CLEC17A: variants seen among roughly 807,000 people sequenced by gnomAD.
CLEC17A encodes C-type lectin domain family 17, member A.
A neutral mutation model predicts 61.3 loss-of-function variants in CLEC17A; 37 were observed. The ratio of observed to expected loss-of-function variants is 0.60; its 90% CI spans 0.46 to 0.79. The LOEUF (loss-of-function observed/expected upper bound fraction) is 0.79. Ranked by LOEUF, CLEC17A falls within the 30% of genes least tolerant of loss-of-function variation. The pLI, the probability that CLEC17A is intolerant of heterozygous loss-of-function variation, is 0.00. For missense variants in CLEC17A, 418 were observed against 464.7 expected (o/e 0.90, Z 0.92); for synonymous variants, 168 against 164.9 (o/e 1.02, Z -0.14).
intron 2 of CLEC17A, among the ~76,000 whole-genome samples, chr19:14,584,956 A>C (rs1276260438): frequency 3.3e-5 from 5 of 151,378 alleles, no homozygotes; most frequent in African/African-American, 1.2e-4. Context: ...TCCCCAACCC[A>C]TTTTCCATCC....
chr19:14,597,813 A>G (rs141767025), intron 10 of CLEC17A, among the ~76,000 whole-genome samples: 1 of 152,084 alleles, frequency 6.6e-6, no homozygotes, highest in African/African-American at 2.4e-5. Context: ...TATGTTGACT[A>G]AGCTCGTTTC....
chr19:14,596,824 T>G, intron 8 of CLEC17A, 52 bp from the exon 9 acceptor site: 1 of 1,587,348 alleles, frequency 6.3e-7, no homozygotes, highest in Non-Finnish European at 8.6e-7. Flanking sequence ...GTCTCTTCCT[T>G]ACTCTCTGAA....
chr19:14,581,814 G>T (rs560084660), upstream of CLEC17A, among the ~76,000 whole-genome samples: 2 of 150,560 alleles, frequency 1.3e-5, no homozygotes, highest in Admixed American at 1.3e-4. Flanking sequence ...CACCATATCT[G>T]GCTAATTTTG....
intron 2 of CLEC17A, among the ~76,000 whole-genome samples, 175 bp downstream of exon 2, chr19:14,583,609 T>A (rs373195282): frequency 0.065 from 9,817 of 151,154 alleles, 1,083 homozygotes; most frequent in African/African-American, 0.23. Context: ...CGGAGGTGGG[T>A]TTGGGCACAG....
chr19:14,594,930 G>A, intron 7 of CLEC17A, 130 bp downstream of exon 7: 3 of 921,540 alleles, frequency 3.3e-6, no homozygotes, highest in Non-Finnish European at 5.0e-6. Flanking sequence ...GGAGTGCAGT[G>A]GTGCGATACT....
chr19:14,606,010 A>G (rs763738200), intron 12 of CLEC17A, among the ~76,000 whole-genome samples: 2 of 152,142 alleles, frequency 1.3e-5, no homozygotes, highest in Non-Finnish European at 2.9e-5. Flanking sequence ...TGGTGGGATT[A>G]CAGATATGAG....
chr19:14,596,327 C>T (rs2074551947), intron 8 of CLEC17A, among the ~76,000 whole-genome samples: 1 of 151,978 alleles, frequency 6.6e-6, no homozygotes. Flanking sequence ...GATGAGACTC[C>T]AATAAGATAG....
Position 14,583,415 on chromosome 19 carries a change from G to A in CLEC17A, c.102G>A (p.Lys34=). The A allele has an allele frequency of 6.2e-7, 1 of 1,612,482 alleles. No homozygotes were observed. Among genetic ancestry groups the A allele is most frequent in the Non-Finnish European group, 8.5e-7 (1 of 1,179,234 alleles). ...ATGAGAACTCAACACCTCCCTACAAGGACCTTCCTCCCAAGCCAGGTAAGA... is the reference window on the plus strand; with the variant it reads ...ATGAGAACTCAACACCTCCCTACAAAGACCTTCCTCCCAAGCCAGGTAAGA... ...DDYENSTPPY[K]DLPPKPGTME... Residue 34 remains lysine (K), a synonymous_variant, in exon 2 of 14, where the codon AAG becomes AAA. Coordinates refer to ENST00000417570, the MANE Select transcript of CLEC17A (RefSeq NM_001204118.2).
intron 10 of CLEC17A, among the ~76,000 whole-genome samples, chr19:14,599,079 CTTTTTTT>C (rs796835309): frequency 1.4e-4 from 8 of 56,944 alleles, no homozygotes; most frequent in South Asian, 7.0e-4. Flanking sequence ...TGTATCTTTG[CTTTTTTT>C]TTTTTTTTTT....
At chr19:14,594,897 A>G in intron 7 of CLEC17A, 97 bp downstream of exon 7, 1 of 1,200,482 alleles carries the variant, frequency 8.3e-7, no homozygotes, top group Non-Finnish European at 1.2e-6. Flanking sequence ...TTTTTGAGAC[A>G]GAGTCTCACT....
intron 2 of CLEC17A, among the ~76,000 whole-genome samples, chr19:14,586,148 G>C (rs1439765484): frequency 4.8e-5 from 7 of 144,856 alleles, no homozygotes; most frequent in African/African-American, 1.8e-4. Flanking sequence ...TTCTTGAGAC[G>C]GAGTTTCACT....
At chr19:14,609,942 C>A in intron 13 of CLEC17A, 122 bp from the exon 14 acceptor site, 1 of 697,260 alleles carries the variant, frequency 1.4e-6, no homozygotes, top group Non-Finnish European at 2.5e-6. Context: ...AGGCTCCACA[C>A]ACGGCCTAAT....
chr19:14,605,716 CTTTCT>C (rs1050698164), intron 12 of CLEC17A, among the ~76,000 whole-genome samples: 5 of 151,974 alleles, frequency 3.3e-5, no homozygotes, highest in Admixed American at 2.0e-4. Flanking sequence ...GTCATAAGTC[CTTTCT>C]TTTCTTCCAA....
At chr19:14,585,819 AC>A (rs2074267866) in intron 2 of CLEC17A, among the ~76,000 whole-genome samples, 1 of 147,608 alleles carries the variant, frequency 6.8e-6, no homozygotes, top group Admixed American at 6.9e-5. Context: ...AGATTCCTGA[AC>A]CACAGAAACT....
At chr19:14,592,000 G>A (rs2074431642) in intron 3 of CLEC17A, among the ~76,000 whole-genome samples, 1 of 151,796 alleles carries the variant, frequency 6.6e-6, no homozygotes, top group Admixed American at 6.6e-5. Context: ...GAAAGGAAAG[G>A]GAAACAGACA....
intron 11 of CLEC17A, 62 bp from the exon 12 acceptor site, chr19:14,599,969 G>T: frequency 1.3e-6 from 2 of 1,591,984 alleles, no homozygotes; most frequent in Non-Finnish European, 1.7e-6. Flanking sequence ...ACTGTACATG[G>T]CATACTATGT....
chr19:14,611,955 G>C lies in CLEC17A; in HGVS notation c.*1759G>C, dbSNP rs970672356. Among the ~76,000 whole-genome samples the C allele has an allele frequency of 2.0e-5, 3 of 152,206 alleles. No individual in the cohort carries two copies. The highest frequency in any genetic ancestry group is 7.2e-5 in the African/African-American group (3 of 41,458). On this transcript the variant is annotated 3_prime_UTR_variant, in exon 14 of 14. Coordinates refer to ENST00000417570, the MANE Select transcript of CLEC17A (RefSeq NM_001204118.2). ...GGAGGCGGAGGTTGCAGTGAGCCGA[G>C]ATTGTGCCACTGCACTCCAGCCTGG... is the stretch of plus-strand genomic sequence containing the variant.
At chr19:14,591,304 G>A (rs188935610) in intron 3 of CLEC17A, among the ~76,000 whole-genome samples, 2,183 of 150,598 alleles carry the variant, frequency 0.014, 23 homozygotes, top group Middle Eastern at 0.039. Context: ...ACAGGCGCCC[G>A]CCACCACGCC....
intron 8 of CLEC17A, 72 bp from the exon 9 acceptor site, chr19:14,596,804 A>C: frequency 6.5e-7 from 1 of 1,530,202 alleles, no homozygotes; most frequent in Non-Finnish European, 8.8e-7. Context: ...TCTTGGACAA[A>C]GACTTAAGAG....
Sources: allele counts gnomAD v4.1 joint callset (sites outside exome capture counted in the v4.1 genomes callset), GRCh38; gene constraint gnomAD v4.1.1; transcripts MANE v1.5; gene names NCBI Gene and HGNC (gene_info 2026-07-23, HGNC 2026-07-21).